The following CSMD1 variants were observed in gnomAD, a reference collection of about 807,000 sequenced individuals.
CSMD1 encodes the protein CUB and sushi domain-containing protein 1.
A neutral mutation model predicts 417.5 loss-of-function variants in CSMD1; 213 were observed. The ratio of observed to expected loss-of-function variants is 0.51; its 90% CI spans 0.46 to 0.57. The LOEUF is 0.57. CSMD1 is among the 20% of genes least tolerant of loss of function. The pLI is 0.00. For synonymous variants in CSMD1, 2,862 were observed against 1,736.8 expected (o/e 1.65, Z -16.11); for missense variants, 6,923 against 4,529.7 (o/e 1.53, Z -15.17).
chr8:4,738,866 A>C (rs117811623), intron 1 of CSMD1, among the ~76,000 whole-genome samples: 1 of 146,418 alleles, frequency 6.8e-6, no homozygotes, highest in Non-Finnish European at 1.5e-5. Context: ...TTTAGGAACT[A>C]CATATAGTCA....
At chr8:4,569,058 T>A (rs1434610102) in intron 2 of CSMD1, among the ~76,000 whole-genome samples, 3 of 152,208 alleles carry the variant, frequency 2.0e-5, no homozygotes. Flanking sequence ...TTTCTCCCAT[T>A]CTGTAGGTTG....
intron 3 of CSMD1, among the ~76,000 whole-genome samples, chr8:4,080,425 C>T (rs549611533): frequency 9.2e-4 from 140 of 152,212 alleles, no homozygotes; most frequent in African/African-American, 3.2e-3. Flanking sequence ...GTAATCATGC[C>T]ATTACATACA....
intron 2 of CSMD1, among the ~76,000 whole-genome samples, chr8:4,456,674 C>G (rs540333367): frequency 1.3e-5 from 2 of 152,230 alleles, no homozygotes; most frequent in African/African-American, 4.8e-5. Context: ...ATCATCTGAT[C>G]TGATGGATGC....
intron 5 of CSMD1, among the ~76,000 whole-genome samples, chr8:3,770,518 G>A (rs900047922): frequency 2.6e-5 from 4 of 152,060 alleles, no homozygotes; most frequent in Non-Finnish European, 5.9e-5. Context: ...AACAAAGTGA[G>A]ACTCCATCTC....
intron 1 of CSMD1, among the ~76,000 whole-genome samples, chr8:4,704,866 G>T (rs1343504182): frequency 1.3e-5 from 2 of 152,042 alleles, no homozygotes; most frequent in African/African-American, 2.4e-5. Context: ...CCTAGAGAAG[G>T]CTCCAAAAAC....
At chr8:4,656,547 T>A (rs970652076) in intron 1 of CSMD1, among the ~76,000 whole-genome samples, 1 of 152,108 alleles carries the variant, frequency 6.6e-6, no homozygotes, top group Non-Finnish European at 1.5e-5. Context: ...TCAAATCTGA[T>A]GCCATATTCA....
chr8:4,805,406 G>A (rs978273145), intron 1 of CSMD1, among the ~76,000 whole-genome samples: 1 of 152,024 alleles, frequency 6.6e-6, no homozygotes, highest in Admixed American at 6.6e-5. Context: ...TTATTTCTTG[G>A]TCTTCATGTG....
intron 54 of CSMD1, among the ~76,000 whole-genome samples, chr8:2,982,017 C>A (rs1805463436): frequency 6.6e-6 from 1 of 152,112 alleles, no homozygotes; most frequent in South Asian, 2.1e-4. Flanking sequence ...ATATACACTC[C>A]TTACTCAGAG....
At chr8:4,665,622 C>T (rs1034758984) in intron 1 of CSMD1, among the ~76,000 whole-genome samples, 1 of 152,192 alleles carries the variant, frequency 6.6e-6, no homozygotes, top group African/African-American at 2.4e-5. Context: ...GTGCATGCAG[C>T]CTTTTGCAAT....
intron 3 of CSMD1, among the ~76,000 whole-genome samples, chr8:4,250,590 G>C (rs770180356): frequency 9.2e-5 from 14 of 152,074 alleles, no homozygotes; most frequent in African/African-American, 3.1e-4. Context: ...ACTCATGTAC[G>C]ATTATAATTG....
chr8:3,520,039 T>TATATATATATACAC (rs545212684), intron 10 of CSMD1, among the ~76,000 whole-genome samples: 19 of 147,182 alleles, frequency 1.3e-4, no homozygotes, highest in Admixed American at 3.4e-4. Context: ...TATATATATA[T>TATATATATATACAC]ACACGTATAG....
chr8:4,536,802 T>C (rs1023880929), intron 2 of CSMD1, among the ~76,000 whole-genome samples: 15 of 152,352 alleles, frequency 9.8e-5, no homozygotes, highest in Admixed American at 9.2e-4. Flanking sequence ...ACCTGTATCA[T>C]TTTATTAACA....
At chr8:2,941,807 T>G (rs890424516) in intron 69 of CSMD1, among the ~76,000 whole-genome samples, 7 of 152,324 alleles carry the variant, frequency 4.6e-5, no homozygotes, top group African/African-American at 1.4e-4. Context: ...CAATCACAGA[T>G]TCACAGAGTT....
intron 12 of CSMD1, among the ~76,000 whole-genome samples, chr8:3,462,312 A>C (rs904517253): frequency 8.1e-4 from 123 of 152,198 alleles, no homozygotes; most frequent in Middle Eastern, 3.4e-3. Context: ...CTGTAGCATC[A>C]TTTAAGGCAA....
At chr8:3,240,519 A>G (rs993800015) in intron 26 of CSMD1, among the ~76,000 whole-genome samples, 1 of 151,994 alleles carries the variant, frequency 6.6e-6, no homozygotes, top group Non-Finnish European at 1.5e-5. Flanking sequence ...TTACGCCGAG[A>G]TAGGTAACAG....
At chr8:3,968,632 A>G (rs1217950860) in intron 5 of CSMD1, among the ~76,000 whole-genome samples, 1 of 152,190 alleles carries the variant, frequency 6.6e-6, no homozygotes, top group Non-Finnish European at 1.5e-5. Context: ...TACATAGAAC[A>G]CAGTCTGAGG....
chr8:4,321,740 G>C (rs186182044), intron 3 of CSMD1, among the ~76,000 whole-genome samples: 35 of 152,172 alleles, frequency 2.3e-4, no homozygotes, highest in Admixed American at 9.8e-4. Flanking sequence ...ATTACTATAC[G>C]ATTAAGAGTA....
At chr8:4,391,292 C>A (rs761167702) in intron 3 of CSMD1, among the ~76,000 whole-genome samples, 4 of 152,228 alleles carry the variant, frequency 2.6e-5, no homozygotes, top group Non-Finnish European at 5.9e-5. Context: ...ATTAACTCTA[C>A]CCTTTCTTCT....
intron 5 of CSMD1, among the ~76,000 whole-genome samples, chr8:3,769,957 C>A (rs556767310): frequency 6.6e-6 from 1 of 152,310 alleles, no homozygotes; most frequent in African/African-American, 2.4e-5. Context: ...TGGGAAGAAG[C>A]CTTTGAAAGG....
Sources: allele counts gnomAD v4.1 joint callset (sites outside exome capture counted in the v4.1 genomes callset), GRCh38; gene constraint gnomAD v4.1.1; transcripts MANE v1.5; gene names NCBI Gene and HGNC (gene_info 2026-07-23, HGNC 2026-07-21).